The following DNAJC15 variants were observed in gnomAD, a reference collection of about 807,000 sequenced individuals.
The protein encoded by DNAJC15 is DnaJ heat shock protein family (Hsp40) member C15.
DNAJC15 carries 27 observed loss-of-function variants against 22.4 expected under a neutral mutation model. The ratio of observed to expected loss-of-function variants is 1.20; its 90% CI spans 0.89 to 1.66. The LOEUF (loss-of-function observed/expected upper bound fraction) is 1.66. Ranked by LOEUF, DNAJC15 falls within the 40% of genes most tolerant of loss-of-function variation. The pLI is 0.00. For missense variants in DNAJC15, 208 were observed against 187.1 expected (o/e 1.11, Z -0.65); for synonymous variants, 79 against 63.2 (o/e 1.25, Z -1.19).
chr13:43,065,268 G>A (rs1052651330), intron 1 of DNAJC15, among the ~76,000 whole-genome samples: 2 of 152,116 alleles, frequency 1.3e-5, no homozygotes, highest in African/African-American at 4.8e-5. Context: ...AAACATTGAT[G>A]TAAGGTTTCA....
At chr13:43,106,574 C>CA (rs200088020) in intron 5 of DNAJC15, among the ~76,000 whole-genome samples, 2 of 151,678 alleles carry the variant, frequency 1.3e-5, no homozygotes, top group Admixed American at 1.3e-4. Flanking sequence ...TTTCAGAGAA[C>CA]AAAAAAAATT....
intron 1 of DNAJC15, among the ~76,000 whole-genome samples, chr13:43,027,470 C>T (rs1303000500): frequency 6.6e-6 from 1 of 152,122 alleles, no homozygotes; most frequent in Non-Finnish European, 1.5e-5. Flanking sequence ...ATATATGTTT[C>T]ATTATAAACA....
intron 3 of DNAJC15, among the ~76,000 whole-genome samples, chr13:43,069,698 A>G (rs1410229692): frequency 6.6e-6 from 1 of 152,248 alleles, no homozygotes; most frequent in African/African-American, 2.4e-5. Context: ...CAGATCTGGG[A>G]TAGATCAACT....
chr13:43,077,791 C>A (rs1206862052), intron 3 of DNAJC15, among the ~76,000 whole-genome samples: 1 of 152,150 alleles, frequency 6.6e-6, no homozygotes, highest in Non-Finnish European at 1.5e-5. Flanking sequence ...TCTCATATCC[C>A]AAATTCAATC....
intron 1 of DNAJC15, among the ~76,000 whole-genome samples, chr13:43,024,215 A>G (rs1212402102): frequency 6.6e-6 from 1 of 152,120 alleles, no homozygotes; most frequent in Non-Finnish European, 1.5e-5. Context: ...CGGCACAGAA[A>G]CAGGGCCCAG....
intron 5 of DNAJC15, 32 bp downstream of exon 5, chr13:43,085,870 A>G (rs374055433): frequency 1.1e-4 from 166 of 1,558,656 alleles, no homozygotes; most frequent in Non-Finnish European, 1.4e-4. Flanking sequence ...CATAATATGT[A>G]TATCAAAATA....
Position 43,108,159 on chromosome 13 carries a change from C to T in DNAJC15, c.*911C>T, listed in dbSNP as rs2040807334. 1 of 152,378 alleles carries T rather than the reference C, an allele frequency of 6.6e-6. No individual in the cohort carries two copies. Among genetic ancestry groups the T allele is most frequent in the East Asian group, 1.9e-4 (1 of 5,194 alleles). The allele number at this position is 152,378 out of a possible 1,614,324, so 9.4% of individuals were successfully genotyped here. A position where few individuals can be genotyped will look rare whatever the true frequency, so the allele number is the denominator to read the frequency against. On this transcript the variant is annotated 3_prime_UTR_variant, in exon 6 of 6. Transcript: ENST00000379221. ...CAAAGGAAGAAAAGAATGTGTTAAA[C>T]ACTGCATGAGAGGAGGAATAAGTGG...
At chr13:43,084,140 T>C (rs1474698713) in intron 4 of DNAJC15, among the ~76,000 whole-genome samples, 1 of 152,124 alleles carries the variant, frequency 6.6e-6, no homozygotes, top group Admixed American at 6.5e-5. Context: ...GTCCATTTAG[T>C]AGGAGGACAA....
chr13:43,081,607 T>G (rs1049064143), intron 4 of DNAJC15, among the ~76,000 whole-genome samples: 2 of 151,708 alleles, frequency 1.3e-5, no homozygotes, highest in South Asian at 4.2e-4. Context: ...CCTGGCTAAT[T>G]TTTTGTATTT....
At position 43,111,375 on chromosome 13, in the gene DNAJC15, TAA is replaced by T. The variant is rs2040823929; in HGVS notation, c.*4128_*4129del. On this transcript the variant is annotated 3_prime_UTR_variant, in exon 6 of 6. Transcript: ENST00000379221. ...CATACTTTTTAATTAACAAGACATA[TAA>T]GAGTTGCATTAATGGGCGTGCTTAT... The T allele has an allele frequency of 6.6e-6, 1 of 152,182 alleles. No individual in the cohort carries two copies. The highest frequency in any genetic ancestry group is 1.5e-5 in the Non-Finnish European group (1 of 68,032). 9.4% of individuals were successfully genotyped at this position (152,182 alleles called of 1,614,324 possible).
chr13:43,090,074 G>C (rs1416751545), intron 5 of DNAJC15, among the ~76,000 whole-genome samples: 1 of 152,202 alleles, frequency 6.6e-6, no homozygotes. Context: ...AAAAACTTCA[G>C]ACAAATTTAG....
At chr13:43,065,776 A>G (rs746871400) in intron 2 of DNAJC15, 39 bp downstream of exon 2, 1 of 1,586,862 alleles carries the variant, frequency 6.3e-7, no homozygotes, top group South Asian at 1.1e-5. Flanking sequence ...TGCAGGAGAA[A>G]TCTTTCCAAA....
rs1009784269 is a variant in DNAJC15, at chr13:43,114,061, A to G, written c.*6813A>G. On this transcript the variant is annotated 3_prime_UTR_variant, in exon 6 of 6. Transcript: ENST00000379221. ...TGTAAGCAGAGATTTTTTAAAATCC[A>G]ATATGTGAAAATACGGATGCACTAC... The G allele has an allele frequency of 5.3e-5, 8 of 152,208 alleles. No individual in the cohort carries two copies. Among genetic ancestry groups the G allele is most frequent in the Non-Finnish European group, 1.0e-4 (7 of 68,020 alleles). 9.4% of individuals were successfully genotyped at this position (152,208 alleles called of 1,614,324 possible).
chr13:43,040,012 CTG>C lies in DNAJC15; in HGVS notation c.108+16280_108+16281del, dbSNP rs201702282. 8.0e-3 allele frequency among the ~76,000 whole-genome samples: 1,194 copies of C among 148,764 alleles called. 13 individuals are homozygous for C. Among genetic ancestry groups the C allele is most frequent in the African/African-American group, 0.028 (1,140 of 40,026 alleles). Reference sequence around the variant, plus strand: ...CCATCCTGGGCAAAAGAGTGAGACTCTGTCTCAAAAGAGAGAGAGAGAAAAAG... The same window carrying C: ...CCATCCTGGGCAAAAGAGTGAGACTCTCTCAAAAGAGAGAGAGAGAAAAAG... On this transcript the variant is annotated intron_variant, in intron 1 of 5. Coordinates refer to ENST00000379221, the MANE Select transcript of DNAJC15 (RefSeq NM_013238.3).
intron 5 of DNAJC15, among the ~76,000 whole-genome samples, chr13:43,098,800 G>A (rs1436134521): frequency 1.3e-5 from 2 of 152,126 alleles, no homozygotes; most frequent in Non-Finnish European, 2.9e-5. Flanking sequence ...TTGCTTTGTA[G>A]TAAGTTTTAA....
Position 43,048,820 on chromosome 13 carries a change from G to A in DNAJC15, c.109-16866G>A, listed in dbSNP as rs148852826. On this transcript the variant is annotated intron_variant, in intron 1 of 5. Transcript: ENST00000379221. ...GAAGTATGTGGTACCCTAATTTTGT[G>A]TAACAACAACAAAAATATATCCAAT... Among the ~76,000 whole-genome samples, 596 of 152,190 alleles carry A rather than the reference G, an allele frequency of 3.9e-3. 4 individuals are homozygous for A. Among genetic ancestry groups the A allele is most frequent in the African/African-American group, 0.013 (558 of 41,520 alleles).
intron 1 of DNAJC15, among the ~76,000 whole-genome samples, chr13:43,024,337 GTTTTTTTTTTTTT>G (rs376910976): frequency 1.1e-5 from 1 of 93,400 alleles, no homozygotes; most frequent in Non-Finnish European, 1.9e-5. Flanking sequence ...GTATTTTTAC[GTTTTTTTTTTTTT>G]TTTTTTTTTT....
chr13:43,032,155 A>G (rs2040406732), intron 1 of DNAJC15, among the ~76,000 whole-genome samples: 1 of 152,118 alleles, frequency 6.6e-6, no homozygotes, highest in Non-Finnish European at 1.5e-5. Flanking sequence ...GGGCGGTAAT[A>G]CCGTGGTTTC....
chr13:43,068,889 T>G lies in DNAJC15; in HGVS notation c.161-41T>G. On this transcript the variant is annotated intron_variant, in intron 2 of 5. Coordinates refer to ENST00000379221, the MANE Select transcript of DNAJC15 (RefSeq NM_013238.3). ...CTTTGAAGGTGTTGATTGATTTTGA[T>G]TATAGAAAATACATTTGCTTTTATT... 12 of 1,556,476 alleles carry G rather than the reference T, an allele frequency of 7.7e-6. No homozygotes were observed. The South Asian group carries it at 1.4e-4, about 18-fold the overall frequency.
Sources: allele counts gnomAD v4.1 joint callset (sites outside exome capture counted in the v4.1 genomes callset), GRCh38; gene constraint gnomAD v4.1.1; transcripts MANE v1.5; gene names NCBI Gene and HGNC (gene_info 2026-07-23, HGNC 2026-07-21).